ASAP1: variants seen among roughly 807,000 people sequenced by gnomAD.
ASAP1 encodes the protein ArfGAP with SH3 domain, ankyrin repeat and PH domain 1, also known as arf-GAP with SH3 domain, ANK repeat and PH domain-containing protein 1.
In ASAP1, 43 loss-of-function variants were observed where a neutral mutation model predicts 145.2. The ratio of observed to expected loss-of-function variants is 0.30; its 90% CI spans 0.23 to 0.38. ASAP1 has a LOEUF of 0.38. ASAP1 is among the 10% of genes least tolerant of loss of function. ASAP1 has a pLI of 1.00. For missense variants in ASAP1, 1,018 were observed against 1,355.3 expected, an observed-to-expected ratio of 0.75 and a Z score of 3.91; for synonymous variants, 546 against 515.5, an observed-to-expected ratio of 1.06 and a Z score of -0.80.
At chr8:130,336,416 C>A (rs1372905910) in intron 3 of ASAP1, among the ~76,000 whole-genome samples, 1 of 152,180 alleles carries the variant, frequency 6.6e-6, no homozygotes, top group Non-Finnish European at 1.5e-5. Flanking sequence ...AAATTAGAAT[C>A]AGCACATAAT....
chr8:130,280,085 G>C (rs1053307224), intron 3 of ASAP1, among the ~76,000 whole-genome samples: 1 of 152,168 alleles, frequency 6.6e-6, no homozygotes, highest in Non-Finnish European at 1.5e-5. Flanking sequence ...TAGTGTTCTT[G>C]ACTATTTTGC....
chr8:130,320,045 T>C (rs2137646845), intron 3 of ASAP1, among the ~76,000 whole-genome samples: 1 of 152,336 alleles, frequency 6.6e-6, no homozygotes, highest in Middle Eastern at 3.4e-3. Context: ...TAGCACACAA[T>C]CTTCTTTGTA....
chr8:130,214,969 C>A (rs1396884571), intron 4 of ASAP1, among the ~76,000 whole-genome samples: 4 of 151,908 alleles, frequency 2.6e-5, no homozygotes, highest in Admixed American at 2.6e-4. Context: ...GGCACAATCT[C>A]GGCTCACTGC....
At chr8:130,218,196 T>A (rs1161123837) in intron 4 of ASAP1, among the ~76,000 whole-genome samples, 7 of 151,938 alleles carry the variant, frequency 4.6e-5, no homozygotes, top group Admixed American at 4.6e-4. Context: ...CCACCAAGAC[T>A]CCTACCTCAT....
At chr8:130,224,612 G>A (rs960956552) in intron 4 of ASAP1, among the ~76,000 whole-genome samples, 7 of 151,652 alleles carry the variant, frequency 4.6e-5, no homozygotes. Context: ...AAAATAAATG[G>A]GATATTACAT....
intron 28 of ASAP1, 89 bp downstream of exon 28, chr8:130,060,490 T>C (rs1031011248): frequency 1.8e-5 from 27 of 1,487,994 alleles, no homozygotes; most frequent in Middle Eastern, 4.9e-4. Flanking sequence ...GCTCTCACTT[T>C]TTCTTGTGTA....
intron 3 of ASAP1, among the ~76,000 whole-genome samples, chr8:130,246,713 A>G (rs1818876532): frequency 6.6e-6 from 1 of 152,194 alleles, no homozygotes; most frequent in Non-Finnish European, 1.5e-5. Flanking sequence ...AAAACAAACT[A>G]ATACAACCCT....
intron 9 of ASAP1, among the ~76,000 whole-genome samples, chr8:130,174,702 C>A (rs1162710784): frequency 6.6e-6 from 1 of 152,222 alleles, no homozygotes; most frequent in African/African-American, 2.4e-5. Flanking sequence ...TCTATAAAAT[C>A]TTCTAAACAA....
intron 15 of ASAP1, among the ~76,000 whole-genome samples, chr8:130,130,998 C>T (rs1249034467): frequency 3.9e-5 from 6 of 152,000 alleles, no homozygotes; most frequent in Admixed American, 3.3e-4. Flanking sequence ...CTACTAAAAA[C>T]ACAAAAAAAT....
At chr8:130,310,000 T>C (rs1823235049) in intron 3 of ASAP1, among the ~76,000 whole-genome samples, 1 of 152,168 alleles carries the variant, frequency 6.6e-6, no homozygotes, top group Admixed American at 6.5e-5. Context: ...TTCTAAATCG[T>C]AATATCCCAA....
chr8:130,141,474 T>A (rs1298106851), intron 13 of ASAP1, among the ~76,000 whole-genome samples: 1 of 152,184 alleles, frequency 6.6e-6, no homozygotes, highest in Non-Finnish European at 1.5e-5. Context: ...CTCCCCATGA[T>A]GTTCCATTTT....
intron 2 of ASAP1, among the ~76,000 whole-genome samples, chr8:130,368,957 G>A (rs1827089744): frequency 6.6e-6 from 1 of 152,100 alleles, no homozygotes; most frequent in Non-Finnish European, 1.5e-5. Flanking sequence ...ATCTTTTCCT[G>A]GGTTCCAGTA....
intron 3 of ASAP1, among the ~76,000 whole-genome samples, chr8:130,253,968 C>T (rs1819361987): frequency 6.6e-6 from 1 of 152,110 alleles, no homozygotes; most frequent in South Asian, 2.1e-4. Context: ...TTTCGGTGAG[C>T]TGAGGTCACA....
chr8:130,371,622 T>C (rs1284108731), intron 2 of ASAP1, among the ~76,000 whole-genome samples: 1 of 152,220 alleles, frequency 6.6e-6, no homozygotes, highest in African/African-American at 2.4e-5. Flanking sequence ...ACTCCTGTTA[T>C]CCTTCCCTTC....
chr8:130,290,337 G>A (rs1821872013), intron 3 of ASAP1, among the ~76,000 whole-genome samples: 1 of 152,130 alleles, frequency 6.6e-6, no homozygotes, highest in Non-Finnish European at 1.5e-5. Flanking sequence ...GAAACAGCAA[G>A]GCCTACAACA....
intron 14 of ASAP1, among the ~76,000 whole-genome samples, chr8:130,135,516 A>G (rs995746455): frequency 7.5e-6 from 1 of 133,148 alleles, no homozygotes; most frequent in African/African-American, 2.7e-5. Flanking sequence ...AAAAACCCAA[A>G]ACAAAACAAA....
intron 2 of ASAP1, among the ~76,000 whole-genome samples, chr8:130,379,634 G>A (rs1456538820): frequency 6.7e-6 from 1 of 149,810 alleles, no homozygotes; most frequent in African/African-American, 2.6e-5. Context: ...AGAATTGCTT[G>A]GTATAGAGAA....
intron 3 of ASAP1, among the ~76,000 whole-genome samples, chr8:130,345,257 G>A (rs768850214): frequency 6.6e-6 from 1 of 152,086 alleles, no homozygotes; most frequent in Non-Finnish European, 1.5e-5. Flanking sequence ...CATCCATAAA[G>A]AAAAATCTGA....
chr8:130,182,831 C>CA (rs35195899), intron 7 of ASAP1, among the ~76,000 whole-genome samples: 9,857 of 73,406 alleles, frequency 0.13, 654 homozygotes, highest in Non-Finnish European at 0.18. Flanking sequence ...TATAAAAAGG[C>CA]AAAAAAAAAA....
Sources: allele counts gnomAD v4.1 joint callset (sites outside exome capture counted in the v4.1 genomes callset), GRCh38; gene constraint gnomAD v4.1.1; transcripts MANE v1.5; gene names NCBI Gene and HGNC (gene_info 2026-07-23, HGNC 2026-07-21).